Variants in DLEC1 observed in about 807,000 individuals in gnomAD.
DLEC1 encodes deleted in lung and esophageal cancer protein 1.
Under a neutral mutation model 198.1 loss-of-function variants are expected in DLEC1, and 146 were observed. The observed-to-expected ratio is 0.74, with a 90% CI of 0.64 to 0.85. The LOEUF is 0.85. Ranked by LOEUF, DLEC1 falls within the 40% of genes least tolerant of loss-of-function variation. The pLI is 0.00. For missense variants in DLEC1, 2,233 were observed against 2,220.0 expected, an observed-to-expected ratio of 1.01 and a Z score of -0.12; for synonymous variants, 897 against 866.8, an observed-to-expected ratio of 1.03 and a Z score of -0.61.
In DLEC1 at chr3:38,093,462, C is replaced by G; in HGVS notation, c.1757-143C>G. The G allele has an allele frequency of 4.3e-6, 4 of 939,376 alleles. No individual in the cohort carries two copies. The South Asian group carries it at 6.4e-5, about 15-fold the overall frequency. 58.2% of individuals were successfully genotyped at this position (939,376 alleles called of 1,614,324 possible). On this transcript the variant is annotated intron_variant, in intron 11 of 36. Coordinates refer to ENST00000308059, the MANE Select transcript of DLEC1 (RefSeq NM_007335.4). The stretch of plus-strand genomic sequence containing the variant: ...AGAACATTAACCTGTGGGCGGATAT[C>G]CCCCTTTTCCCTCCAGTGTGAGCTT...
At chr3:38,085,533 A>G (rs1698407802) in intron 8 of DLEC1, 86 bp downstream of exon 8, 2 of 1,522,094 alleles carry the variant, frequency 1.3e-6, no homozygotes, top group Admixed American at 1.8e-5. Flanking sequence ...TTCCCTTTGT[A>G]TCAGCACACA....
In DLEC1 at chr3:38,092,852, C is replaced by T. The variant is rs941123816; in HGVS notation, c.1728C>T (p.Asn576=). Reference sequence around the variant, plus strand: ...AGACCTTCATCATCATGTGCGACAACTGCCAGATAAAGGAGCTGGTGACCA... The same window carrying T: ...AGACCTTCATCATCATGTGCGACAATTGCCAGATAAAGGAGCTGGTGACCA... The part of the protein sequence containing the change: ...AEQTFIIMCD[N]CQIKELVTIG... The change falls in exon 11 of 37, where the codon AAC becomes AAT. Residue 576 remains asparagine (N), a synonymous_variant. Coordinates refer to ENST00000308059, the MANE Select transcript of DLEC1 (RefSeq NM_007335.4). The T allele has an allele frequency of 6.2e-7, 1 of 1,614,200 alleles. No individual in the cohort carries two copies. Among genetic ancestry groups the T allele is most frequent in the Non-Finnish European group, 8.5e-7 (1 of 1,180,044 alleles).
intron 6 of DLEC1, among the ~76,000 whole-genome samples, chr3:38,075,473 G>T (rs1212887423): frequency 6.6e-6 from 1 of 152,064 alleles, no homozygotes; most frequent in Non-Finnish European, 1.5e-5. Context: ...TGAGAACACA[G>T]GCTAAGGGAG....
rs760164979 is a variant in DLEC1, at chr3:38,062,751, A to G, written c.1044A>G (p.Pro348=). 3 of 1,614,114 alleles carry G rather than the reference A, an allele frequency of 1.9e-6. No individual in the cohort carries two copies. Among genetic ancestry groups the G allele is most frequent in the Non-Finnish European group, 1.7e-6 (2 of 1,180,014 alleles). Residue 348 remains proline (P), a synonymous_variant, in exon 5 of 37, where the codon CCA becomes CCG. Transcript: ENST00000308059. The part of the protein sequence containing the change: ...RYGGKSLVFP[P]KKPAPIGEFQ... The stretch of plus-strand genomic sequence containing the variant: ...GAGGCAAGTCTCTTGTTTTTCCTCC[A>G]AAGAAGCCAGCACCGATAGGAGAAT...
chr3:38,117,000 C>T lies in DLEC1; in HGVS notation c.4205C>T (p.Thr1402Ile). Reference protein sequence around the residue: ...QVVVPAGGSSTIYISFTPMVL... With the variant: ...QVVVPAGGSSIIYISFTPMVL... ...GTGGTCCCTGCTGGGGGCAGCAGTA[C>T]CATCTACATCTCCTTCACCCCTATG... Residue 1402 changes from threonine to isoleucine, a missense_variant, in exon 30 of 37, where the codon ACC becomes ATC. By Grantham distance (89) the Thr-to-Ile change is moderately conservative. Transcript: ENST00000308059. The T allele has an allele frequency of 6.2e-7, 1 of 1,613,938 alleles. No individual in the cohort carries two copies.
chr3:38,063,747 A>G, intron 5 of DLEC1, 94 bp from the exon 6 acceptor site: 1 of 908,486 alleles, frequency 1.1e-6, no homozygotes, highest in South Asian at 1.5e-5. Flanking sequence ...GATGGTCTTT[A>G]TGTATTTATT....
At chr3:38,084,557 A>AGTG (rs1559430847) in intron 7 of DLEC1, among the ~76,000 whole-genome samples, 2 of 9,256 alleles carry the variant, frequency 2.2e-4, no homozygotes. Context: ...TAGTGGTAGT[A>AGTG]GTAGTGGTAG....
In DLEC1 at chr3:38,122,789, G is replaced by T. The variant is rs908667913; in HGVS notation, c.*377G>T. The T allele has an allele frequency of 8.2e-6, 9 of 1,103,312 alleles. No individual in the cohort carries two copies. Among genetic ancestry groups the T allele is most frequent in the Non-Finnish European group, 1.1e-5 (9 of 804,258 alleles). 68.3% of individuals were successfully genotyped at this position (1,103,312 alleles called of 1,614,324 possible). On this transcript the variant is annotated 3_prime_UTR_variant, in exon 37 of 37. Transcript: ENST00000308059. ...TGCCTTGCCTTAAGAATTAACCATG[G>T]CCTTGTGGCCTGGGTGACCCAGGCT...
At chr3:38,045,430 C>G in intron 1 of DLEC1, 113 bp from the exon 2 acceptor site, 2 of 1,351,698 alleles carry the variant, frequency 1.5e-6, no homozygotes, top group Non-Finnish European at 2.0e-6. Flanking sequence ...GAATAGTTCT[C>G]TGACTATTCT....
At chr3:38,067,706 T>G (rs1697099502) in intron 6 of DLEC1, among the ~76,000 whole-genome samples, 2 of 151,544 alleles carry the variant, frequency 1.3e-5, no homozygotes, top group Non-Finnish European at 2.9e-5. Context: ...TATGGCAATC[T>G]CAGGTTAATC....
In DLEC1 at chr3:38,045,650, G is replaced by C. The variant is rs771233103; in HGVS notation, c.519G>C (p.Gln173His). Reference protein sequence around the residue: ...AIAENERVMSQAGVQDLESLV... With the variant: ...AIAENERVMSHAGVQDLESLV... ...CGGAAAATGAGCGGGTCATGAGCCAGGCTGGAGTACAGGACCTCGAGAGCC... is the reference window on the plus strand; with the variant it reads ...CGGAAAATGAGCGGGTCATGAGCCACGCTGGAGTACAGGACCTCGAGAGCC... Residue 173 changes from glutamine to histidine, a missense_variant, in exon 2 of 37, where the codon CAG becomes CAC. Transcript: ENST00000308059. 28 of 1,613,966 alleles carry C rather than the reference G, an allele frequency of 1.7e-5. No homozygotes were observed. The highest frequency in any genetic ancestry group is 2.3e-5 in the Non-Finnish European group (27 of 1,179,996).
intron 14 of DLEC1, 86 bp downstream of exon 14, chr3:38,096,032 G>A: frequency 1.3e-6 from 2 of 1,521,624 alleles, no homozygotes; most frequent in Non-Finnish European, 1.8e-6. Context: ...TATCAGGTGA[G>A]GGGGAGTGGG....
chr3:38,093,614 AGCTGATT>A lies in DLEC1; in HGVS notation c.1770_1776del (p.Ile591TrpfsTer3). The A allele has an allele frequency of 6.2e-7, 1 of 1,614,208 alleles. No homozygotes were observed. On this transcript the variant is annotated frameshift_variant, in exon 12 of 37. Coordinates refer to ENST00000308059, the MANE Select transcript of DLEC1 (RefSeq NM_007335.4). LOFTEE classifies it high-confidence loss of function. Reference sequence around the variant, plus strand: ...TACTCTACTTTGGCAGGAATTGGGCAGCTGATTGCTTTGGATCTGATCTATATTTCTG... The same window carrying A: ...TACTCTACTTTGGCAGGAATTGGGCAGCTTTGGATCTGATCTATATTTCTG...
Position 38,111,695 on chromosome 3 carries a change from C to T in DLEC1, c.3462C>T (p.Ala1154=). 6.2e-7 allele frequency: 1 copy of T among 1,613,406 alleles called. No homozygotes were observed. Among genetic ancestry groups the T allele is most frequent in the Non-Finnish European group, 8.5e-7 (1 of 1,179,702 alleles). ...KKTSLPNMPP[A]LLKTVRMQEH... is the part of the protein sequence containing the mutation. ...TGTAAAGTCCCAACATGCCTCCTGC[C>T]CTGCTAAAGACAGTGCGGATGCAAG... The change falls in exon 24 of 37, where the codon GCC becomes GCT. Residue 1154 remains alanine (A), a synonymous_variant. Transcript: ENST00000308059.
chr3:38,107,892 C>A (rs1207228928), intron 20 of DLEC1, among the ~76,000 whole-genome samples, 155 bp downstream of exon 20: 3 of 152,258 alleles, frequency 2.0e-5, no homozygotes, highest in Non-Finnish European at 4.4e-5. Context: ...CATAAAAGCT[C>A]CTCAAAGGAG....
At position 38,123,095 on chromosome 3, in the gene DLEC1, G is replaced by A. The variant is rs371549731; in HGVS notation, c.*683G>A. ...CGGCAGCGGCTCCCATTCCAGTCCC[G>A]ATGCACATGGACACCACTCCGTATG... On this transcript the variant is annotated 3_prime_UTR_variant, in exon 37 of 37. Coordinates refer to ENST00000308059, the MANE Select transcript of DLEC1 (RefSeq NM_007335.4). 12 of 1,614,164 alleles carry A rather than the reference G, an allele frequency of 7.4e-6. No homozygotes were observed. Among genetic ancestry groups the A allele is most frequent in the African/African-American group, 5.3e-5 (4 of 75,050 alleles).
intron 6 of DLEC1, among the ~76,000 whole-genome samples, chr3:38,081,932 G>C (rs1184148694): frequency 6.9e-6 from 1 of 145,330 alleles, no homozygotes; most frequent in African/African-American, 2.5e-5. Flanking sequence ...GGTGGCTGCC[G>C]GGCGGAGATG....
intron 2 of DLEC1, among the ~76,000 whole-genome samples, chr3:38,050,521 C>G (rs1225002444): frequency 6.6e-6 from 1 of 151,846 alleles, no homozygotes; most frequent in Non-Finnish European, 1.5e-5. Flanking sequence ...GCAGATATCA[C>G]ATGGCGAGAA....
intron 27 of DLEC1, among the ~76,000 whole-genome samples, chr3:38,115,806 G>C (rs1242461509): frequency 6.6e-6 from 1 of 152,078 alleles, no homozygotes. Flanking sequence ...GTCAGAGGAG[G>C]GCAGGGACAG....
Sources: gnomAD v4.1 joint callset for allele counts (sites outside exome capture counted in the v4.1 genomes callset) on GRCh38, gnomAD v4.1.1 for gene constraint, MANE v1.5 for transcripts, NCBI Gene and HGNC (gene_info 2026-07-23, HGNC 2026-07-21) for gene names.